The following FERMT2 variants were observed in gnomAD, a reference collection of about 807,000 sequenced individuals.
FERMT2 encodes fermitin family homolog 2.
In FERMT2, 15 loss-of-function variants were observed where a neutral mutation model predicts 82.7. That is an observed-to-expected ratio of 0.18 (90% CI 0.12 to 0.28). The LOEUF is 0.28. Ranked by LOEUF, FERMT2 falls within the 10% of genes least tolerant of loss-of-function variation. The pLI is 1.00. For missense variants in FERMT2, 645 were observed against 809.4 expected, an observed-to-expected ratio of 0.80 and a Z score of 2.46; for synonymous variants, 274 against 271.5, an observed-to-expected ratio of 1.01 and a Z score of -0.09.
At chr14:52,881,789 G>A (rs1390806184) in intron 4 of FERMT2, 1 of 1,311,142 alleles carries the variant, frequency 7.6e-7, no homozygotes, top group Non-Finnish European at 1.0e-6. Flanking sequence ...ATTGTGGCAA[G>A]GCTCACCTTT....
intron 3 of FERMT2, among the ~76,000 whole-genome samples, chr14:52,913,502 C>T (rs8014421): frequency 0.98 from 148,726 of 152,242 alleles, 72,739 homozygotes; most frequent in East Asian, 1. Flanking sequence ...CTGATGTGCA[C>T]GTAACCTAGA....
intron 2 of FERMT2, among the ~76,000 whole-genome samples, chr14:52,940,992 C>A (rs1890064114): frequency 6.6e-6 from 1 of 152,038 alleles, no homozygotes; most frequent in African/African-American, 2.4e-5. Context: ...AGGTAGTTAC[C>A]CCAGAAAAAT....
At chr14:52,950,719 G>T in intron 1 of FERMT2, 142 bp from the exon 2 acceptor site, 1 of 766,496 alleles carries the variant, frequency 1.3e-6, no homozygotes, top group Non-Finnish European at 2.1e-6. Context: ...GGGCGGCGGC[G>T]GCCGGGGCTG....
intron 2 of FERMT2, among the ~76,000 whole-genome samples, chr14:52,927,144 T>C (rs1889318609): frequency 6.6e-6 from 1 of 152,130 alleles, no homozygotes; most frequent in Non-Finnish European, 1.5e-5. Flanking sequence ...GCTTTACAAA[T>C]AAACATCTGT....
At chr14:52,912,750 T>C (rs1888395262) in intron 3 of FERMT2, among the ~76,000 whole-genome samples, 4 of 152,190 alleles carry the variant, frequency 2.6e-5, no homozygotes, top group African/African-American at 9.7e-5. Context: ...CCTCAAGTGA[T>C]CTGCCTGCCT....
chr14:52,948,625 T>G (rs1188120971), intron 2 of FERMT2: 2 of 450,890 alleles, frequency 4.4e-6, no homozygotes, highest in Non-Finnish European at 8.9e-6. Flanking sequence ...AGATTAAGAT[T>G]ATAGTCATTT....
intron 2 of FERMT2, among the ~76,000 whole-genome samples, chr14:52,946,636 G>T (rs563907970): frequency 2.3e-4 from 35 of 152,266 alleles, no homozygotes; most frequent in African/African-American, 8.2e-4. Flanking sequence ...GGGTGACAGT[G>T]CAAGACCTTG....
chr14:52,871,518 G>A (rs542879303), intron 10 of FERMT2: 4 of 152,224 alleles, frequency 2.6e-5, no homozygotes, highest in Non-Finnish European at 4.4e-5. Flanking sequence ...AAATCACAGT[G>A]AGCAGCAGAA....
rs561520126 is a variant in FERMT2, at chr14:52,881,081, C to G, written c.810G>C (p.Leu270Phe). ...MEQDVKENEA[L>F]LLRFKYYSFF... ...AGCTGTAATACTTGAATCGGAGCAG[C>G]AAGGCCTCATTTTCCTTCACATCTT... The change falls in exon 6 of 15, where the codon TTG (leucine) becomes TTC (phenylalanine). Residue 270 changes from leucine (L) to phenylalanine (F), a missense_variant. Leu to Phe is a conservative substitution (Grantham distance 22, BLOSUM62 0). Coordinates refer to ENST00000341590, the MANE Select transcript of FERMT2 (RefSeq NM_006832.3). The G allele has an allele frequency of 1.7e-5, 27 of 1,613,596 alleles. No individual in the cohort carries two copies. In the South Asian group the frequency reaches 3.0e-4, roughly 18 times the overall value.
intron 7 of FERMT2, among the ~76,000 whole-genome samples, chr14:52,875,851 A>T (rs1370406615): frequency 6.6e-6 from 1 of 152,080 alleles, no homozygotes; most frequent in Non-Finnish European, 1.5e-5. Context: ...CTTTTTCCCC[A>T]TCCTTGCTTC....
intron 8 of FERMT2, 145 bp downstream of exon 8, chr14:52,875,078 T>G: frequency 1.3e-6 from 1 of 744,870 alleles, no homozygotes; most frequent in Non-Finnish European, 2.1e-6. Context: ...TTGCTCAAAG[T>G]TCCTGAAAAA....
chr14:52,861,137 A>C, intron 12 of FERMT2: 1 of 1,019,592 alleles, frequency 9.8e-7, no homozygotes, highest in Non-Finnish European at 1.4e-6. Flanking sequence ...GTCACCTGCA[A>C]ACCAAAATTC....
At chr14:52,863,849 TTAAA>T (rs1489215030) in intron 12 of FERMT2, among the ~76,000 whole-genome samples, 1 of 152,152 alleles carries the variant, frequency 6.6e-6, no homozygotes, top group African/African-American at 2.4e-5. Flanking sequence ...TGGAATAAAA[TTAAA>T]TAAATTAAGG....
At chr14:52,859,471 G>A (rs1884767254) in intron 14 of FERMT2, 102 bp downstream of exon 14, 3 of 1,081,914 alleles carry the variant, frequency 2.8e-6, no homozygotes, top group East Asian at 5.5e-5. Flanking sequence ...TTTAAGAGGT[G>A]GTGGTACAAA....
chr14:52,878,843 T>C (rs1886127088), intron 6 of FERMT2, among the ~76,000 whole-genome samples, 154 bp from the exon 7 acceptor site: 1 of 152,224 alleles, frequency 6.6e-6, no homozygotes, highest in African/African-American at 2.4e-5. Context: ...CAAGTATTAT[T>C]AGAAGGATAC....
intron 3 of FERMT2, among the ~76,000 whole-genome samples, chr14:52,901,137 T>C (rs1242219582): frequency 1.4e-5 from 2 of 140,420 alleles, no homozygotes; most frequent in East Asian, 2.1e-4. Context: ...AAAAATTAGC[T>C]GGGCGTTGTG....
At chr14:52,892,456 G>GTTTTTTTTT (rs11281193) in intron 4 of FERMT2, among the ~76,000 whole-genome samples, 5 of 133,398 alleles carry the variant, frequency 3.7e-5, no homozygotes, top group Non-Finnish European at 6.2e-5. Context: ...GCTGTTTTTT[G>GTTTTTTTTT]TTTTTTTTTT....
rs1403074354 is a variant in FERMT2 at position 52,890,442 on chromosome 14, C to G, written c.526+2851G>C. On this transcript the variant is annotated intron_variant, in intron 4 of 14. Transcript: ENST00000341590. Reference sequence around the variant, plus strand: ...CCTGGGCGACAGAGTGACACTCCGTCTGAAAAAAAAAAAAAAGAAAAGAAA... The same window carrying G: ...CCTGGGCGACAGAGTGACACTCCGTGTGAAAAAAAAAAAAAAGAAAAGAAA... 3.8e-5 allele frequency among the ~76,000 whole-genome samples: 5 copies of G among 132,412 alleles called. No individual in the cohort carries two copies. The Admixed American group carries it at 4.1e-4, about 11-fold the overall frequency. 86.9% of individuals were successfully genotyped at this position (132,412 alleles called of 152,430 possible).
At chr14:52,860,486 C>T (rs1184746694) in intron 12 of FERMT2, 21 bp from the exon 13 acceptor site, 1 of 1,598,392 alleles carries the variant, frequency 6.3e-7, no homozygotes, top group Non-Finnish European at 8.5e-7. Context: ...GTAAACATCA[C>T]CTTTACCATT....
Sources: allele counts gnomAD v4.1 joint callset (sites outside exome capture counted in the v4.1 genomes callset), GRCh38; gene constraint gnomAD v4.1.1; transcripts MANE v1.5; gene names NCBI Gene and HGNC (gene_info 2026-07-23, HGNC 2026-07-21).